The following VPS13B variants were observed in gnomAD, a reference collection of about 807,000 sequenced individuals.
VPS13B encodes the protein intermembrane lipid transfer protein VPS13B.
VPS13B carries 285 observed loss-of-function variants against 426.4 expected under a neutral mutation model. The observed-to-expected ratio is 0.67, with a 90% CI of 0.61 to 0.74. The LOEUF (loss-of-function observed/expected upper bound fraction) is 0.74, where lower values mean the gene tolerates loss of function less well. VPS13B is among the 30% of genes least tolerant of loss of function. VPS13B has a pLI of 0.00. For missense variants in VPS13B, 4,537 were observed against 4,782.6 expected, an observed-to-expected ratio of 0.95 and a Z score of 1.51; for synonymous variants, 1,676 against 1,676.4, an observed-to-expected ratio of 1.00 and a Z score of 0.01.
chr8:99,376,531 T>G (rs1813497348), intron 19 of VPS13B, among the ~76,000 whole-genome samples: 1 of 152,158 alleles, frequency 6.6e-6, no homozygotes, highest in Non-Finnish European at 1.5e-5. Context: ...TTAATTATAA[T>G]AAAATAAGAC....
chr8:99,069,476 A>G (rs1026067757), intron 3 of VPS13B, among the ~76,000 whole-genome samples: 1 of 152,246 alleles, frequency 6.6e-6, no homozygotes, highest in Non-Finnish European at 1.5e-5. Flanking sequence ...AGAACAAGTT[A>G]ATAATGACGT....
At chr8:99,566,632 G>A (rs142896210) in intron 31 of VPS13B, among the ~76,000 whole-genome samples, 15 of 152,094 alleles carry the variant, frequency 9.9e-5, no homozygotes, top group African/African-American at 3.1e-4. Context: ...TAGTAGAGAC[G>A]GGGTTCCACC....
At chr8:99,105,634 T>C (rs1172434104) in intron 5 of VPS13B, among the ~76,000 whole-genome samples, 3 of 152,150 alleles carry the variant, frequency 2.0e-5, no homozygotes, top group South Asian at 2.1e-4. Flanking sequence ...CTGCCTCAGC[T>C]TCCTAGAATG....
intron 51 of VPS13B, 63 bp downstream of exon 51, chr8:99,824,041 C>A: frequency 6.4e-7 from 1 of 1,566,126 alleles, no homozygotes; most frequent in Admixed American, 1.7e-5. Flanking sequence ...ATAGGATCAA[C>A]TTCTCTTTAA....
chr8:99,367,048 G>A (rs561930984), intron 19 of VPS13B, among the ~76,000 whole-genome samples: 2 of 152,292 alleles, frequency 1.3e-5, no homozygotes, highest in Admixed American at 6.5e-5. Context: ...CACAATTACA[G>A]CATTACAGTA....
At chr8:99,647,642 AAAG>A (rs1829642838) in intron 34 of VPS13B, among the ~76,000 whole-genome samples, 1 of 152,178 alleles carries the variant, frequency 6.6e-6, no homozygotes, top group African/African-American at 2.4e-5. Context: ...GTAACTATAA[AAAG>A]AATATATGTC....
intron 39 of VPS13B, among the ~76,000 whole-genome samples, chr8:99,725,583 T>G (rs1431613919): frequency 1.3e-5 from 2 of 152,210 alleles, no homozygotes; most frequent in South Asian, 2.1e-4. Flanking sequence ...CCAAAAAGAT[T>G]GGGGACCACT....
chr8:99,376,933 C>T (rs944042216), intron 19 of VPS13B, among the ~76,000 whole-genome samples: 1 of 151,736 alleles, frequency 6.6e-6, no homozygotes, highest in Non-Finnish European at 1.5e-5. Context: ...TCTTTCTTTA[C>T]TGTTTTTTCA....
At chr8:99,408,646 C>T (rs1055870681) in intron 21 of VPS13B, among the ~76,000 whole-genome samples, 1 of 152,116 alleles carries the variant, frequency 6.6e-6, no homozygotes, top group Non-Finnish European at 1.5e-5. Flanking sequence ...GATAAATAGT[C>T]TGGAGCTTAC....
At chr8:99,550,363 G>GAAAT (rs151046134) in intron 30 of VPS13B, among the ~76,000 whole-genome samples, 4,455 of 151,414 alleles carry the variant, frequency 0.029, 97 homozygotes, top group South Asian at 0.064. Flanking sequence ...TATATTAATA[G>GAAAT]AAATATCTTC....
intron 3 of VPS13B, among the ~76,000 whole-genome samples, chr8:99,062,743 A>G (rs1319268206): frequency 6.6e-6 from 1 of 152,230 alleles, no homozygotes; most frequent in Non-Finnish European, 1.5e-5. Context: ...TGCTGGGATT[A>G]TAGGTGTAAG....
At chr8:99,740,347 C>T (rs1588671367) in intron 39 of VPS13B, among the ~76,000 whole-genome samples, 3 of 152,194 alleles carry the variant, frequency 2.0e-5, no homozygotes, top group African/African-American at 4.8e-5. Context: ...CTACGTCTGA[C>T]TGGTGTACCT....
intron 21 of VPS13B, among the ~76,000 whole-genome samples, chr8:99,416,602 A>G (rs1816021344): frequency 6.6e-6 from 1 of 152,186 alleles, no homozygotes; most frequent in Admixed American, 6.5e-5. Flanking sequence ...TGGGAAAAGC[A>G]TAGTATCTGG....
At chr8:99,295,844 TAG>T (rs1305778607) in intron 19 of VPS13B, among the ~76,000 whole-genome samples, 1 of 151,912 alleles carries the variant, frequency 6.6e-6, no homozygotes, top group Non-Finnish European at 1.5e-5. Flanking sequence ...CTAAACAACA[TAG>T]AGAGACTCTG....
At chr8:99,569,284 C>T (rs1026412457) in intron 31 of VPS13B, among the ~76,000 whole-genome samples, 5 of 151,942 alleles carry the variant, frequency 3.3e-5, no homozygotes, top group East Asian at 3.9e-4. Flanking sequence ...AAAAATTAGC[C>T]GGGTGTGCAG....
intron 59 of VPS13B, among the ~76,000 whole-genome samples, chr8:99,870,390 C>G (rs554304174): frequency 1.3e-5 from 2 of 152,102 alleles, no homozygotes; most frequent in East Asian, 3.9e-4. Context: ...CTGACTCAAG[C>G]AATCCTCCCA....
In VPS13B at chr8:99,853,631, G is replaced by A; in HGVS notation, c.10242G>A (p.Leu3414=). ...CTGGGGAAGAGCCTGTGGCTGCGTT[G>A]TTTGAACTTTACTGTGTGGAGATCT... The part of the protein sequence containing the change: ...PLPGEEPVAA[L]FELYCVEICC... The change falls in exon 56 of 62, where the codon TTG becomes TTA. Residue 3414 remains leucine (L), a synonymous_variant. Coordinates refer to ENST00000357162, the MANE Select transcript of VPS13B (RefSeq NM_152564.5). 6.2e-7 allele frequency: 1 copy of A among 1,614,170 alleles called. No individual in the cohort carries two copies. The highest frequency in any genetic ancestry group is 8.5e-7 in the Non-Finnish European group (1 of 1,180,018).
At chr8:99,422,702 T>A (rs1816438488) in intron 21 of VPS13B, among the ~76,000 whole-genome samples, 1 of 152,150 alleles carries the variant, frequency 6.6e-6, no homozygotes, top group South Asian at 2.1e-4. Context: ...ATACATGTTT[T>A]AAAAAATACA....
In VPS13B at chr8:99,456,169, G is replaced by T. The variant is rs150169655; in HGVS notation, c.3446-11245G>T. 9.4e-4 allele frequency among the ~76,000 whole-genome samples: 143 copies of T among 152,026 alleles called. 3 individuals are homozygous for T. Among genetic ancestry groups the T allele is most frequent in the Admixed American group, 8.9e-3 (136 of 15,252 alleles). On this transcript the variant is annotated intron_variant, in intron 23 of 61. Transcript: ENST00000357162. Reference sequence around the variant, plus strand: ...TTTATTCCTAGTTTACTGAGACCTTGAATTTATTTATTTTTTTGAGGCAGA... The same window carrying T: ...TTTATTCCTAGTTTACTGAGACCTTTAATTTATTTATTTTTTTGAGGCAGA...
Sources: gnomAD v4.1 joint callset for allele counts (sites outside exome capture counted in the v4.1 genomes callset) on GRCh38, gnomAD v4.1.1 for gene constraint, MANE v1.5 for transcripts, NCBI Gene and HGNC (gene_info 2026-07-23, HGNC 2026-07-21) for gene names.